Variants in NCOR2 observed in about 807,000 individuals in gnomAD.
NCOR2 encodes nuclear receptor corepressor 2, also known as CTG repeat protein 26.
In NCOR2, 81 loss-of-function variants were observed where a neutral mutation model predicts 262.9. The observed-to-expected ratio is 0.31, with a 90% CI of 0.26 to 0.37. NCOR2 has a LOEUF of 0.37. Ranked by LOEUF, NCOR2 falls within the 10% of genes least tolerant of loss-of-function variation. The pLI, the probability that NCOR2 is intolerant of heterozygous loss-of-function variation, is 1.00. For synonymous variants in NCOR2, 1,659 were observed against 1,559.3 expected, an observed-to-expected ratio of 1.06 and a Z score of -1.51; for missense variants, 3,385 against 3,621.4, an observed-to-expected ratio of 0.93 and a Z score of 1.68.
chr12:124,361,727 C>T (rs763698888), intron 22 of NCOR2, among the ~76,000 whole-genome samples: 46 of 152,190 alleles, frequency 3.0e-4, no homozygotes, highest in Admixed American at 1.4e-3. Flanking sequence ...TGATTCACAC[C>T]GAATCAGAGG....
intron 1 of NCOR2, among the ~76,000 whole-genome samples, chr12:124,527,586 T>C (rs2050545736): frequency 6.6e-6 from 1 of 151,964 alleles, no homozygotes; most frequent in African/African-American, 2.4e-5. Flanking sequence ...CCCGGCTAAT[T>C]CTTCTGTTTT....
intron 37 of NCOR2, among the ~76,000 whole-genome samples, chr12:124,338,011 C>T (rs2036038773): frequency 6.6e-6 from 1 of 152,252 alleles, no homozygotes; most frequent in African/African-American, 2.4e-5. Context: ...CCCTGCTCCC[C>T]ACAGCCAGGG....
chr12:124,433,512 G>A (rs775750547), intron 8 of NCOR2, among the ~76,000 whole-genome samples: 7 of 152,166 alleles, frequency 4.6e-5, no homozygotes, highest in East Asian at 1.9e-4. Context: ...TGGGTCCCTC[G>A]TGGAGTGCAC....
At chr12:124,362,673 C>T (rs962407047) in intron 21 of NCOR2, among the ~76,000 whole-genome samples, 85 of 151,802 alleles carry the variant, frequency 5.6e-4, no homozygotes, top group Admixed American at 4.8e-3. Context: ...ACAGGGGGAC[C>T]CACCTCCCAG....
intron 4 of NCOR2, among the ~76,000 whole-genome samples, chr12:124,470,878 G>C (rs2046797141): frequency 6.6e-6 from 1 of 152,244 alleles, no homozygotes; most frequent in Non-Finnish European, 1.5e-5. Context: ...CCTAACCATT[G>C]AGGGCTGCCT....
rs2045947164 is a variant in NCOR2, at chr12:124,457,580, A to T, written c.706-418T>A. Reference sequence around the variant, plus strand: ...CAATTACCTCAGAGCTAGTGCAGCCAGCGAGGGAAGGAGGAGGAGGAGGAG... The same window carrying T: ...CAATTACCTCAGAGCTAGTGCAGCCTGCGAGGGAAGGAGGAGGAGGAGGAG... On this transcript the variant is annotated intron_variant, in intron 5 of 46. Coordinates refer to ENST00000405201, the Ensembl canonical transcript of NCOR2. The surrounding 1 kb of genome is among the most constrained non-coding windows in gnomAD (Gnocchi z 4.0). 6.6e-6 allele frequency among the ~76,000 whole-genome samples: 1 copy of T among 152,174 alleles called. No individual in the cohort carries two copies. Among genetic ancestry groups the T allele is most frequent in the Non-Finnish European group, 1.5e-5 (1 of 68,010 alleles).
chr12:124,554,032 A>G (rs1037934101), intron 1 of NCOR2, among the ~76,000 whole-genome samples: 1 of 152,178 alleles, frequency 6.6e-6, no homozygotes, highest in African/African-American at 2.4e-5. Flanking sequence ...ACGCTCTCAC[A>G]AACCCCCACT....
intron 12 of NCOR2, among the ~76,000 whole-genome samples, chr12:124,421,435 G>A (rs1488267765): frequency 5.3e-5 from 8 of 152,358 alleles, no homozygotes; most frequent in African/African-American, 1.4e-4. Flanking sequence ...GGGAGACGTC[G>A]TCACTCAGAA....
rs2051617002 is a variant in NCOR2 at position 124,548,745 on chromosome 12, G to A, written c.-164-13134C>T. ...CCCCATGACTGGCTCATGGCCTTTG[G>A]GACAGTCCTACTCCATAAAAGTCAC... is the stretch of plus-strand genomic sequence containing the variant. On this transcript the variant is annotated intron_variant, in intron 1 of 32. Transcript: ENST00000458234. The surrounding 1 kb of genome is among the most constrained non-coding windows in gnomAD (Gnocchi z 5.1). 1.3e-5 allele frequency among the ~76,000 whole-genome samples: 2 copies of A among 151,676 alleles called. No homozygotes were observed. Among genetic ancestry groups the A allele is most frequent in the Non-Finnish European group, 2.9e-5 (2 of 67,928 alleles).
In NCOR2 at chr12:124,389,361, C is replaced by A. The variant is rs570059510; in HGVS notation, c.1877-3474G>T. Among the ~76,000 whole-genome samples, 960 of 152,072 alleles carry A rather than the reference C, an allele frequency of 6.3e-3. 16 individuals are homozygous for A. Among genetic ancestry groups the A allele is most frequent in the African/African-American group, 0.021 (873 of 41,498 alleles). On this transcript the variant is annotated intron_variant, in intron 16 of 46. Transcript: ENST00000405201. This position sits in a 1 kb window ranked among gnomAD's most constrained non-coding sequence, Gnocchi z 4.4. Reference sequence around the variant, plus strand: ...CAGACGGAGGCTCGCGGCGGGCGGGCAGGCGGGCGGGGGAGCGTGGCAGAG... The same window carrying A: ...CAGACGGAGGCTCGCGGCGGGCGGGAAGGCGGGCGGGGGAGCGTGGCAGAG...
chr12:124,481,790 C>T lies in NCOR2; in HGVS notation c.411+1806G>A, dbSNP rs943982271. ...ATGGTTTGGAGCACAGGGGGGAACA[C>T]ACAGGGGGATGCAGTCGTCTGCCTT... On this transcript the variant is annotated intron_variant, in intron 3 of 46. Transcript: ENST00000405201. This position sits in a 1 kb window ranked among gnomAD's most constrained non-coding sequence, Gnocchi z 4.6. Among the ~76,000 whole-genome samples, 5 of 152,098 alleles carry T rather than the reference C, an allele frequency of 3.3e-5. No individual in the cohort carries two copies. The highest frequency in any genetic ancestry group is 5.9e-5 in the Non-Finnish European group (4 of 67,994).
chr12:124,439,294 C>CAGAG (rs147761367), intron 7 of NCOR2, among the ~76,000 whole-genome samples: 29 of 8,288 alleles, frequency 3.5e-3, no homozygotes, highest in Non-Finnish European at 5.4e-3. Context: ...GAGAGAGACC[C>CAGAG]AGAGAGAGAG....
chr12:124,500,779 C>A (rs921798589), intron 1 of NCOR2, among the ~76,000 whole-genome samples: 1 of 151,438 alleles, frequency 6.6e-6, no homozygotes, highest in Non-Finnish European at 1.5e-5. Flanking sequence ...GTGTCTTGAG[C>A]GGCCTGGTTC....
chr12:124,368,015 G>A (rs925334738), intron 20 of NCOR2, among the ~76,000 whole-genome samples: 2 of 152,200 alleles, frequency 1.3e-5, no homozygotes, highest in African/African-American at 4.8e-5. Context: ...CTCAGGGCCT[G>A]GCACAGAGTA....
chr12:124,372,057 G>T, exon 20 of NCOR2: 1 of 1,603,394 alleles, frequency 6.2e-7, no homozygotes. Flanking sequence ...CATCCACCTC[G>T]TCTGCACTGC....
intron 20 of NCOR2, among the ~76,000 whole-genome samples, chr12:124,364,881 C>T (rs1040966176): frequency 1.3e-4 from 20 of 152,060 alleles, no homozygotes; most frequent in Non-Finnish European, 1.5e-4. Context: ...GGAGGCAGCC[C>T]GGCCTGCATT....
chr12:124,412,506 G>A (rs549251406), intron 13 of NCOR2, among the ~76,000 whole-genome samples: 33 of 152,362 alleles, frequency 2.2e-4, no homozygotes, highest in African/African-American at 7.5e-4. Flanking sequence ...GGCTGCCATC[G>A]GCTGTCAGGC....
intron 37 of NCOR2, among the ~76,000 whole-genome samples, chr12:124,339,011 T>C (rs1452136050): frequency 2.5e-5 from 3 of 118,130 alleles, no homozygotes; most frequent in Non-Finnish European, 5.1e-5. Context: ...TAAGCCAGCG[T>C]CTATACTCTC....
chr12:124,385,401 T>TGA, intron 17 of NCOR2, among the ~76,000 whole-genome samples: 1 of 152,156 alleles, frequency 6.6e-6, no homozygotes, highest in Non-Finnish European at 1.5e-5. Context: ...CAGCCCGAAT[T>TGA]CCTGGCTGAG....
Sources: allele counts gnomAD v4.1 joint callset (sites outside exome capture counted in the v4.1 genomes callset), GRCh38; gene constraint gnomAD v4.1.1; non-coding constraint Gnocchi (gnomAD v3.1); transcripts MANE v1.5; gene names NCBI Gene and HGNC (gene_info 2026-07-23, HGNC 2026-07-21).